Variants in ZNF737 observed in about 807,000 individuals in gnomAD.
ZNF737 encodes the protein zinc finger protein 737.
Under a neutral mutation model 11.7 loss-of-function variants are expected in ZNF737, and 13 were observed. The observed-to-expected ratio is 1.11, with a 90% CI of 0.73 to 1.77. ZNF737 has a LOEUF of 1.77. Among genes scored for constraint, ZNF737 ranks in the 40% most tolerant of loss-of-function variants. The pLI is 0.00. For missense variants in ZNF737, 636 were observed against 638.0 expected, an observed-to-expected ratio of 1.00 and a Z score of 0.03; for synonymous variants, 217 against 216.2, an observed-to-expected ratio of 1.00 and a Z score of -0.03.
the ZNF737 span, among the ~76,000 whole-genome samples, chr19:20,530,389 C>CAGCTGGCCGGGCGGGGGGCT: frequency 1.4e-4 from 19 of 140,042 alleles, 6 homozygotes; most frequent in African/African-American, 4.6e-4. Flanking sequence ...CCGGACGGGG[C>CAGCTGGCCGGGCGGGGGGCT]GACTGGCCTG....
intron 3 of ZNF737, among the ~76,000 whole-genome samples, chr19:20,548,157 C>A (rs1233636549): frequency 1.3e-5 from 2 of 151,528 alleles, no homozygotes; most frequent in African/African-American, 4.8e-5. Flanking sequence ...AAAAGGAAAA[C>A]AACAGCAACA....
Position 20,543,724 on chromosome 19 carries a change from TA to T in ZNF737, c.*867del, listed in dbSNP as rs2144606102. 1 of 985,284 alleles carries T rather than the reference TA, an allele frequency of 1.0e-6. No homozygotes were observed. The highest frequency in any genetic ancestry group is 1.1e-4 in the East Asian group (1 of 8,816). 61.0% of individuals were successfully genotyped at this position (985,284 alleles called of 1,614,324 possible). On this transcript the variant is annotated 3_prime_UTR_variant, in exon 4 of 4. Transcript: ENST00000427401. Reference sequence around the variant, plus strand: ...ATATTTCTAGGGTTTCACACTAGTATAATTATTGTTATGTGTAGAGAAGTTG... The same window carrying T: ...ATATTTCTAGGGTTTCACACTAGTATATTATTGTTATGTGTAGAGAAGTTG...
In ZNF737 at chr19:20,543,489, G is replaced by A. The variant is rs1555755590; in HGVS notation, c.*1103C>T. The A allele has an allele frequency of 2.0e-6, 2 of 985,098 alleles. No individual in the cohort carries two copies. Among genetic ancestry groups the A allele is most frequent in the African/African-American group, 3.5e-5 (2 of 57,234 alleles). The allele number at this position is 985,098 out of a possible 1,614,324, so 61.0% of individuals were successfully genotyped here. On this transcript the variant is annotated 3_prime_UTR_variant, in exon 4 of 4. Coordinates refer to ENST00000427401, the MANE Select transcript of ZNF737 (RefSeq NM_001159293.2). ...TTATTAAAAGGAAGATTTTTATGTTGAGTTAGATGTGAGTAGGAATTAATA... is the reference window on the plus strand; with the variant it reads ...TTATTAAAAGGAAGATTTTTATGTTAAGTTAGATGTGAGTAGGAATTAATA...
intron 1 of ZNF737, 51 bp downstream of exon 1, chr19:20,565,587 G>C: frequency 1.2e-6 from 2 of 1,614,134 alleles, no homozygotes; most frequent in Non-Finnish European, 1.7e-6. Context: ...CTTCCCACCG[G>C]TTCCAACCAG....
At chr19:20,561,266 G>A (rs1555762369) in intron 1 of ZNF737, among the ~76,000 whole-genome samples, 1 of 152,118 alleles carries the variant, frequency 6.6e-6, no homozygotes, top group African/African-American at 2.4e-5. Flanking sequence ...TCTGGGGGTG[G>A]GGATACGCCA....
Position 20,545,531 on chromosome 19 carries a change from A to G in ZNF737, c.672T>C (p.Thr224=), listed in dbSNP as rs782237431. The change falls in exon 4 of 4, where the codon ACT becomes ACC. Residue 224 remains threonine, a synonymous_variant. Coordinates refer to ENST00000427401, the MANE Select transcript of ZNF737 (RefSeq NM_001159293.2). ...SHLTTHKRIH[T]GEKRYKCEDC... ...CTTCACATTTGTACCGTTTCTCTCC[A>G]GTATGAATTCTCTTATGTGTAGTAA... 2 of 1,613,612 alleles carry G rather than the reference A, an allele frequency of 1.2e-6. No homozygotes were observed.
chr19:20,544,578 C>T lies in ZNF737; in HGVS notation c.*14G>A, dbSNP rs1968348333. ...ATAGTGGGATAGCTTAAAGCTTTGCCACATTCCTCACATTTATAGTTTCTC... is the reference window on the plus strand; with the variant it reads ...ATAGTGGGATAGCTTAAAGCTTTGCTACATTCCTCACATTTATAGTTTCTC... On this transcript the variant is annotated 3_prime_UTR_variant, in exon 4 of 4. Coordinates refer to ENST00000427401, the MANE Select transcript of ZNF737 (RefSeq NM_001159293.2). 6.3e-7 allele frequency: 1 copy of T among 1,583,402 alleles called. No homozygotes were observed.
Position 20,543,666 on chromosome 19 carries a change from T to C in ZNF737, c.*926A>G, listed in dbSNP as rs2144605800. 1.0e-6 allele frequency: 1 copy of C among 985,434 alleles called. No homozygotes were observed. 61.0% of individuals were successfully genotyped at this position (985,434 alleles called of 1,614,324 possible). ...GAATTATCCAACCTACAATCAAGAGTGGCAACCATATAAAGGCTTTGTCAC... is the reference window on the plus strand; with the variant it reads ...GAATTATCCAACCTACAATCAAGAGCGGCAACCATATAAAGGCTTTGTCAC... On this transcript the variant is annotated 3_prime_UTR_variant, in exon 4 of 4. Coordinates refer to ENST00000427401, the MANE Select transcript of ZNF737 (RefSeq NM_001159293.2).
At chr19:20,565,537 T>C in intron 1 of ZNF737, 101 bp downstream of exon 1, 2 of 1,585,116 alleles carry the variant, frequency 1.3e-6, no homozygotes, top group Non-Finnish European at 1.7e-6. Context: ...GTGCAGATTG[T>C]GGAGCTGACT....
downstream of ZNF737, among the ~76,000 whole-genome samples, chr19:20,536,892 A>C (rs1555753975): frequency 6.6e-6 from 1 of 152,094 alleles, no homozygotes. Context: ...GCAGTGAGCC[A>C]GGATCATGCC....
intron 3 of ZNF737, among the ~76,000 whole-genome samples, chr19:20,548,980 A>AAAAAAGAAC (rs1491170549): frequency 1.5e-5 from 1 of 66,502 alleles, no homozygotes; most frequent in Non-Finnish European, 3.0e-5. Context: ...AAAAAAAAAA[A>AAAAAAGAAC]CAATTATGTA....
chr19:20,542,772 G>A lies in ZNF737; in HGVS notation c.*1820C>T, dbSNP rs1045297189. ...ACTATTTTATAGAAAAAGTCATAAT[G>A]TCCAAATAATGTAAAAAAATCGAAT... On this transcript the variant is annotated 3_prime_UTR_variant, in exon 4 of 4. Transcript: ENST00000427401. 4 of 984,890 alleles carry A rather than the reference G, an allele frequency of 4.1e-6. No individual in the cohort carries two copies. The highest frequency in any genetic ancestry group is 1.8e-5 in the African/African-American group (1 of 57,142). The allele number at this position is 984,890 out of a possible 1,614,324, so 61.0% of individuals were successfully genotyped here. A position where few individuals can be genotyped will look rare whatever the true frequency, so the allele number is the denominator to read the frequency against.
chr19:20,532,190 C>T (rs1325421987), downstream of ZNF737, among the ~76,000 whole-genome samples: 1 of 149,900 alleles, frequency 6.7e-6, no homozygotes, highest in Non-Finnish European at 1.5e-5. Flanking sequence ...CTCGACAAAG[C>T]CACAGTCACC....
rs879987809 is a variant in ZNF737, at chr19:20,543,983, C to T, written c.*609G>A. The T allele has an allele frequency of 1.6e-6, 1 of 631,356 alleles. No homozygotes were observed. Among genetic ancestry groups the T allele is most frequent in the Non-Finnish European group, 2.0e-6 (1 of 507,592 alleles). 39.1% of individuals were successfully genotyped at this position (631,356 alleles called of 1,614,324 possible). On this transcript the variant is annotated 3_prime_UTR_variant, in exon 4 of 4. Transcript: ENST00000427401. ...TCTCTACTAAAAATAAAAAAATTAG[C>T]TGGGCATGTTGGAGGACACCTGTAA... is the stretch of plus-strand genomic sequence containing the variant.
At position 20,545,526 on chromosome 19, in the gene ZNF737, T is replaced by C. The variant is rs1186865805; in HGVS notation, c.677A>G (p.Glu226Gly). ...LTTHKRIHTG[E>G]KRYKCEDCGK... Reference sequence around the variant, plus strand: ...ACAGTCTTCACATTTGTACCGTTTCTCTCCAGTATGAATTCTCTTATGTGT... The same window carrying C: ...ACAGTCTTCACATTTGTACCGTTTCCCTCCAGTATGAATTCTCTTATGTGT... The change falls in exon 4 of 4, where the codon GAG becomes GGG. Residue 226 changes from glutamate to glycine, a missense_variant. Transcript: ENST00000427401. 8.1e-6 allele frequency: 13 copies of C among 1,613,512 alleles called. No individual in the cohort carries two copies. In the Admixed American group the frequency reaches 2.0e-4, roughly 25 times the overall value.
At chr19:20,550,430 G>A (rs1968619859) in intron 3 of ZNF737, among the ~76,000 whole-genome samples, 1 of 152,110 alleles carries the variant, frequency 6.6e-6, no homozygotes, top group South Asian at 2.1e-4. Flanking sequence ...GCAAATTCTA[G>A]CATATTGTCT....
chr19:20,565,587 G>A (rs1312454099), intron 1 of ZNF737, 51 bp downstream of exon 1: 5 of 1,614,134 alleles, frequency 3.1e-6, no homozygotes, highest in Non-Finnish European at 4.2e-6. Flanking sequence ...CTTCCCACCG[G>A]TTCCAACCAG....
chr19:20,543,800 C>T lies in ZNF737; in HGVS notation c.*792G>A. On this transcript the variant is annotated 3_prime_UTR_variant, in exon 4 of 4. Transcript: ENST00000427401. ...CATTTTTTAGCTTTGCGGATTTCCT[C>T]TTCAACATGAATTATTGCCATGCCT... 1 of 985,412 alleles carries T rather than the reference C, an allele frequency of 1.0e-6. No individual in the cohort carries two copies. The highest frequency in any genetic ancestry group is 1.2e-6 in the Non-Finnish European group (1 of 829,950). 61.0% of individuals were successfully genotyped at this position (985,412 alleles called of 1,614,324 possible). A position where few individuals can be genotyped will look rare whatever the true frequency, so the allele number is the denominator to read the frequency against.
chr19:20,541,259 T>C lies in ZNF737; in HGVS notation c.*3333A>G. The C allele has an allele frequency of 1.0e-6, 1 of 984,648 alleles. No homozygotes were observed. The highest frequency in any genetic ancestry group is 1.2e-6 in the Non-Finnish European group (1 of 829,246). 61.0% of individuals were successfully genotyped at this position (984,648 alleles called of 1,614,324 possible). A position where few individuals can be genotyped will look rare whatever the true frequency, so the allele number is the denominator to read the frequency against. Reference sequence around the variant, plus strand: ...TCTGAAAATATGTACAAACCTATACTCACACAAAAACACTCAATTCATAAT... The same window carrying C: ...TCTGAAAATATGTACAAACCTATACCCACACAAAAACACTCAATTCATAAT... On this transcript the variant is annotated 3_prime_UTR_variant, in exon 4 of 4. Transcript: ENST00000427401.
Sources: allele counts gnomAD v4.1 joint callset (sites outside exome capture counted in the v4.1 genomes callset), GRCh38; gene constraint gnomAD v4.1.1; transcripts MANE v1.5; gene names NCBI Gene and HGNC (gene_info 2026-07-23, HGNC 2026-07-21).